XRN1: variants seen among roughly 807,000 people sequenced by gnomAD.
XRN1 encodes strand-exchange protein 1 homolog.
Under a neutral mutation model 222.3 loss-of-function variants are expected in XRN1, and 67 were observed. That is an observed-to-expected ratio of 0.30 (90% confidence interval 0.25 to 0.37). The LOEUF is 0.37. Ranked by LOEUF, XRN1 falls within the 10% of genes least tolerant of loss-of-function variation. XRN1 has a pLI of 1.00. For synonymous variants in XRN1, 643 were observed against 652.4 expected, an observed-to-expected ratio of 0.99 and a Z score of 0.22; for missense variants, 1,707 against 2,000.2, an observed-to-expected ratio of 0.85 and a Z score of 2.80.
rs577307692 is a variant in XRN1 at position 142,380,115 on chromosome 3, T to C, written c.2682A>G (p.Glu894=). 32 of 1,613,830 alleles carry C rather than the reference T, an allele frequency of 2.0e-5. No homozygotes were observed. The highest frequency in any genetic ancestry group is 1.0e-4 in the Admixed American group (6 of 59,994). The change falls in exon 23 of 41, where the codon GAA becomes GAG. Residue 894 remains glutamate (E), a synonymous_variant. Coordinates refer to ENST00000392981, the MANE Select transcript of XRN1 (RefSeq NM_001282857.2). The stretch of plus-strand genomic sequence containing the variant: ...TCTGTATTAAAGCATCAAGATTGGG[T>C]TCACATGGAATGCTGAAAATCACAC... The part of the protein sequence containing the change: ...RIRVIFSIPC[E]PNLDALIQNQ...
At chr3:142,371,939 T>C (rs1473655657) in intron 25 of XRN1, among the ~76,000 whole-genome samples, 1 of 152,200 alleles carries the variant, frequency 6.6e-6, no homozygotes, top group East Asian at 1.9e-4. Context: ...GAATATTATC[T>C]GATTTGACAG....
At chr3:142,318,165 A>G (rs2107863431) in intron 39 of XRN1, among the ~76,000 whole-genome samples, 1 of 152,340 alleles carries the variant, frequency 6.6e-6, no homozygotes, top group East Asian at 1.9e-4. Flanking sequence ...GATAAAGGGA[A>G]GCCAACTGCT....
chr3:142,405,678 G>C (rs1326469667), intron 15 of XRN1, among the ~76,000 whole-genome samples: 1 of 151,976 alleles, frequency 6.6e-6, no homozygotes, highest in Non-Finnish European at 1.5e-5. Context: ...CCACAGACCA[G>C]AAGAACAGAA....
At position 142,401,354 on chromosome 3, in the gene XRN1, C is replaced by T. The variant is rs1042908968; in HGVS notation, c.2104-807G>A. ...AGAAAATCATATACATGAAAGCTTT[C>T]ATAAACCATAAAATGCTCTACAAAT... On this transcript the variant is annotated intron_variant, in intron 18 of 40. Transcript: ENST00000392981. 5.9e-5 allele frequency among the ~76,000 whole-genome samples: 9 copies of T among 152,262 alleles called. No individual in the cohort carries two copies. The South Asian group carries it at 1.5e-3, about 25-fold the overall frequency.
chr3:142,383,351 C>T lies in XRN1; in HGVS notation c.2565G>A (p.Leu855=). 2 of 1,614,046 alleles carry T rather than the reference C, an allele frequency of 1.2e-6. No individual in the cohort carries two copies. Among genetic ancestry groups the T allele is most frequent in the East Asian group, 2.2e-5 (1 of 44,856 alleles). ...TTCCCAGCATAAAGACCATACTTCT[C>T]AGAGGAAACAAATCATCCAATGTTT... ...NIKTLDDLFP[L]RSMVFMLGTP... is the part of the protein sequence containing the mutation. The change falls in exon 22 of 41, where the codon CTG becomes CTA. Residue 855 remains leucine, a synonymous_variant. Transcript: ENST00000392981.
At chr3:142,379,898 A>T (rs759883473) in intron 23 of XRN1, among the ~76,000 whole-genome samples, 184 bp downstream of exon 23, 115 of 152,164 alleles carry the variant, frequency 7.6e-4, no homozygotes, top group Non-Finnish European at 1.2e-3. Flanking sequence ...CCCCACAAAG[A>T]TCTACATGAA....
At chr3:142,381,748 G>A (rs1223408798) in intron 22 of XRN1, among the ~76,000 whole-genome samples, 2 of 151,526 alleles carry the variant, frequency 1.3e-5, no homozygotes, top group African/African-American at 4.8e-5. Context: ...TATAATTTTA[G>A]CAGAGATGAG....
Position 142,308,754 on chromosome 3 carries a change from C to T in XRN1, c.*2757G>A, listed in dbSNP as rs1175068497. The T allele has an allele frequency of 6.6e-6, 1 of 152,098 alleles. No homozygotes were observed. Among genetic ancestry groups the T allele is most frequent in the African/African-American group, 2.4e-5 (1 of 41,412 alleles). 9.4% of individuals were successfully genotyped at this position (152,098 alleles called of 1,614,324 possible). A position where few individuals can be genotyped will look rare whatever the true frequency, so the allele number is the denominator to read the frequency against. ...TAGAAATAATGTTTCAGTTAGGAGA[C>T]AAAGGCTTAAATAGATTGAAGTGCT... On this transcript the variant is annotated 3_prime_UTR_variant, in exon 41 of 41. Coordinates refer to ENST00000392981, the MANE Select transcript of XRN1 (RefSeq NM_001282857.2).
chr3:142,314,951 G>GTTTTTT (rs1204432176), intron 39 of XRN1, among the ~76,000 whole-genome samples: 5 of 88,618 alleles, frequency 5.6e-5, no homozygotes, highest in African/African-American at 2.2e-4. Context: ...TCTGTCGTCT[G>GTTTTTT]TTTTTTTTTT....
Position 142,311,532 on chromosome 3 carries a change from A to G in XRN1, c.5064T>C (p.Gly1688=). ...AAATTTACTCAGAAGGTTTAGAAAC[A>G]CCAAAATTAACAGCCAGTTTTCTTG... ...RKSRKLAVNF[G]VSKPSE Residue 1688 remains glycine, a synonymous_variant, in exon 41 of 41, where the codon GGT becomes GGC. Transcript: ENST00000392981. 1 of 1,608,456 alleles carries G rather than the reference A, an allele frequency of 6.2e-7. No homozygotes were observed. Among genetic ancestry groups the G allele is most frequent in the East Asian group, 2.2e-5 (1 of 44,810 alleles).
intron 10 of XRN1, chr3:142,420,210 G>T (rs982387360): frequency 3.3e-5 from 5 of 151,798 alleles, no homozygotes; most frequent in African/African-American, 9.7e-5. Context: ...ATTGCCAGGG[G>T]AAAGTGTGAA....
chr3:142,395,108 C>T (rs2067877800), intron 20 of XRN1, among the ~76,000 whole-genome samples: 1 of 152,140 alleles, frequency 6.6e-6, no homozygotes, highest in African/African-American at 2.4e-5. Flanking sequence ...ATGGAATCCT[C>T]ACCTCATGCT....
At chr3:142,330,104 A>G (rs966270146) in intron 36 of XRN1, among the ~76,000 whole-genome samples, 2 of 152,242 alleles carry the variant, frequency 1.3e-5, no homozygotes, top group Non-Finnish European at 2.9e-5. Flanking sequence ...TTGAGCAGCT[A>G]ATGACTACAT....
chr3:142,307,001 G>C lies in XRN1; in HGVS notation c.*4510C>G, dbSNP rs917680853. ...GTATGAATTACACTTTTGTTTAAAT[G>C]AACAAAATGTTGAACACTTCAATGA... is the stretch of plus-strand genomic sequence containing the variant. On this transcript the variant is annotated 3_prime_UTR_variant, in exon 41 of 41. Transcript: ENST00000392981. The C allele has an allele frequency of 6.6e-6, 1 of 152,448 alleles. No individual in the cohort carries two copies. The highest frequency in any genetic ancestry group is 1.5e-5 in the Non-Finnish European group (1 of 68,020). The allele number at this position is 152,448 out of a possible 1,614,324, so 9.4% of individuals were successfully genotyped here.
chr3:142,338,845 C>T (rs543888458), intron 33 of XRN1, among the ~76,000 whole-genome samples: 3 of 152,202 alleles, frequency 2.0e-5, no homozygotes, highest in East Asian at 3.9e-4. Context: ...GTGACGGCCA[C>T]GGGGAAATAC....
At chr3:142,337,895 T>C (rs941329862) in intron 33 of XRN1, among the ~76,000 whole-genome samples, 2 of 152,194 alleles carry the variant, frequency 1.3e-5, no homozygotes, top group Non-Finnish European at 2.9e-5. Context: ...AGAATTCATA[T>C]TTTCAGAACC....
At chr3:142,441,082 C>T (rs555981890) in intron 1 of XRN1, among the ~76,000 whole-genome samples, 4 of 152,290 alleles carry the variant, frequency 2.6e-5, no homozygotes, top group Admixed American at 2.6e-4. Context: ...ACAAGGTTTC[C>T]AAACCAAAGG....
At chr3:142,362,739 TCCC>T (rs2066685430) in intron 29 of XRN1, among the ~76,000 whole-genome samples, 2 of 134,334 alleles carry the variant, frequency 1.5e-5, no homozygotes, top group South Asian at 5.5e-4. Context: ...CCTCCTTCCC[TCCC>T]TCCCTCCCTT....
At chr3:142,373,670 G>A (rs545187220) in intron 25 of XRN1, among the ~76,000 whole-genome samples, 5 of 152,136 alleles carry the variant, frequency 3.3e-5, no homozygotes, top group African/African-American at 7.2e-5. Flanking sequence ...GGAAACGAAA[G>A]GAGAATGGAA....
Sources: allele counts gnomAD v4.1 joint callset (sites outside exome capture counted in the v4.1 genomes callset), GRCh38; gene constraint gnomAD v4.1.1; transcripts MANE v1.5; gene names NCBI Gene and HGNC (gene_info 2026-07-23, HGNC 2026-07-21).